Variants in POLE observed in about 807,000 individuals in gnomAD.
POLE encodes DNA polymerase epsilon, catalytic subunit.
In POLE, 188 loss-of-function variants were observed where a neutral mutation model predicts 279.2. The ratio of observed to expected loss-of-function variants is 0.67; its 90% CI spans 0.60 to 0.76. The LOEUF (loss-of-function observed/expected upper bound fraction) is 0.76, where lower values mean the gene tolerates loss of function less well. Among genes scored for constraint, POLE ranks in the 30% least tolerant of loss-of-function variants. POLE has a pLI of 0.00. For synonymous variants in POLE, 1,214 were observed against 1,172.5 expected (o/e 1.04, Z -0.72); for missense variants, 2,703 against 3,016.7 (o/e 0.90, Z 2.44).
rs563990655 is a variant in POLE, at chr12:132,649,398, C to T, written c.3913G>A (p.Gly1305Arg). The T allele has an allele frequency of 2.2e-4, 354 of 1,613,270 alleles. 5 individuals are homozygous for T. The South Asian group carries it at 3.4e-3, about 15-fold the overall frequency. Residue 1305 changes from glycine to arginine, a missense_variant, in exon 31 of 49, where the codon GGG (glycine) becomes AGG (arginine). Physicochemically the swap from Gly to Arg is moderately radical, Grantham distance 125. Coordinates refer to ENST00000320574, the MANE Select transcript of POLE (RefSeq NM_006231.4). ...GTGGCAGGACCATCCCGGATGGCCC[C>T]GGGCCTGAGCACACCCTCTGCCGAC... ...LESAEGVLRP[G>R]AIRDGPATGL...
At chr12:132,626,461 C>G (rs1225275030) in intron 45 of POLE, 144 bp from the exon 46 acceptor site, 1 of 692,798 alleles carries the variant, frequency 1.4e-6, no homozygotes, top group East Asian at 2.7e-5. Flanking sequence ...CCTCAGCTGA[C>G]TTCTCTACAT....
At chr12:132,649,267 A>G (rs773362058) in intron 31 of POLE, 39 bp downstream of exon 31, 1 of 1,594,486 alleles carries the variant, frequency 6.3e-7, no homozygotes, top group African/African-American at 1.3e-5. Context: ...CTGGGCCATC[A>G]GCAGAGCCAC....
At position 132,649,052 on chromosome 12, in the gene POLE, G is replaced by A. The variant is rs764030317; in HGVS notation, c.4026C>T (p.Ala1342=). The change falls in exon 32 of 49, where the codon GCC becomes GCT. Residue 1342 remains alanine, a synonymous_variant. Coordinates refer to ENST00000320574, the MANE Select transcript of POLE (RefSeq NM_006231.4). ...QIVQISETSQ[A]GLFRLWALVG... ...CGAGCGCCCACAGCCTGAACAGGCCGGCCTGGCTGGTCTCGCTGATCTGAA... is the reference window on the plus strand; with the variant it reads ...CGAGCGCCCACAGCCTGAACAGGCCAGCCTGGCTGGTCTCGCTGATCTGAA... 20 of 1,612,536 alleles carry A rather than the reference G, an allele frequency of 1.2e-5. No homozygotes were observed. The highest frequency in any genetic ancestry group is 4.4e-5 in the South Asian group (4 of 91,028).
chr12:132,632,821 G>A, intron 43 of POLE, 26 bp from the exon 44 acceptor site: 1 of 1,572,130 alleles, frequency 6.4e-7, no homozygotes, highest in Non-Finnish European at 8.6e-7. Context: ...CACACCACAG[G>A]CCCTGAGTCG....
chr12:132,644,109 C>T, intron 32 of POLE, 132 bp from the exon 33 acceptor site: 1 of 739,786 alleles, frequency 1.4e-6, no homozygotes. Context: ...CACCACGCCA[C>T]AGTCCACCTC....
In POLE at chr12:132,642,868, G is replaced by C. The variant is rs774425403; in HGVS notation, c.4680C>G (p.Asp1560Glu). Reference sequence around the variant, plus strand: ...GGATGGCTCTGCAGATGGTCTTCAGGTCAGTTTCTGCCCGAACTTCGAAGG... The same window carrying C: ...GGATGGCTCTGCAGATGGTCTTCAGCTCAGTTTCTGCCCGAACTTCGAAGG... The part of the protein sequence containing the change: ...KHTFEVRAET[D>E]LKTICRAIQR... The change falls in exon 36 of 49, where the codon GAC (aspartate) becomes GAG (glutamate). Residue 1560 changes from aspartate to glutamate, a missense_variant. Asp to Glu is a conservative substitution (Grantham distance 45). Transcript: ENST00000320574. The C allele has an allele frequency of 3.2e-5, 51 of 1,613,892 alleles. No individual in the cohort carries two copies. Among genetic ancestry groups the C allele is most frequent in the Admixed American group, 1.2e-4 (7 of 59,970 alleles).
intron 21 of POLE, 53 bp downstream of exon 21, chr12:132,665,249 C>T (rs1013926580): frequency 5.1e-6 from 8 of 1,576,838 alleles, no homozygotes; most frequent in African/African-American, 1.3e-5. Flanking sequence ...CTGCCCTAAA[C>T]GTGGACTCAT....
chr12:132,658,902 A>AAAAAG (rs2042613168), intron 26 of POLE, among the ~76,000 whole-genome samples: 1 of 150,930 alleles, frequency 6.6e-6, no homozygotes, highest in South Asian at 2.1e-4. Context: ...AAAAAAAAAA[A>AAAAAG]AAAAAAGAGC....
At chr12:132,632,981 G>C in intron 43 of POLE, 186 bp from the exon 44 acceptor site, 74 of 599,172 alleles carry the variant, frequency 1.2e-4, no homozygotes, top group Non-Finnish European at 2.0e-4. Context: ...GAAATGAGAA[G>C]GAACACTCGC....
At position 132,634,077 on chromosome 12, in the gene POLE, G is replaced by A. The variant is rs537166855; in HGVS notation, c.6004+109C>T. ...CCCAACTGCTGGGCAGGCTCCGCCC[G>A]ATCTGATTTTCCCTGTCTCCCTTCT... is the stretch of plus-strand genomic sequence containing the variant. On this transcript the variant is annotated intron_variant, in intron 43 of 48. Coordinates refer to ENST00000320574, the MANE Select transcript of POLE (RefSeq NM_006231.4). This position sits in a 1 kb window ranked among gnomAD's most constrained non-coding sequence, Gnocchi z 4.0. The A allele has an allele frequency of 1.5e-5, 15 of 1,031,488 alleles. No individual in the cohort carries two copies. The highest frequency in any genetic ancestry group is 8.0e-5 in the African/African-American group (5 of 62,242). 63.9% of individuals were successfully genotyped at this position (1,031,488 alleles called of 1,614,324 possible). A position where few individuals can be genotyped will look rare whatever the true frequency, so the allele number is the denominator to read the frequency against.
In POLE at chr12:132,642,813, C is replaced by T. The variant is rs2138538300; in HGVS notation, c.4728+7G>A. On this transcript the variant is annotated splice_region_variant and intron_variant, in intron 36 of 48. Transcript: ENST00000320574. ...GGCTCACACAGCAAGACCCCAACCACTCTCACCTTGTAGGCGAGCAGGAAT... is the reference window on the plus strand; with the variant it reads ...GGCTCACACAGCAAGACCCCAACCATTCTCACCTTGTAGGCGAGCAGGAAT... The T allele has an allele frequency of 6.2e-7, 1 of 1,613,980 alleles. No homozygotes were observed. Among genetic ancestry groups the T allele is most frequent in the Non-Finnish European group, 8.5e-7 (1 of 1,179,950 alleles).
In POLE at chr12:132,664,064, A is replaced by G. The variant is rs2135956761; in HGVS notation, c.2646T>C (p.Asn882=). The G allele has an allele frequency of 1.2e-6, 2 of 1,614,192 alleles. No homozygotes were observed. Among genetic ancestry groups the G allele is most frequent in the East Asian group, 2.2e-5 (1 of 44,882 alleles). Residue 882 remains asparagine (N), a synonymous_variant, in exon 23 of 49, where the codon AAT becomes AAC. Coordinates refer to ENST00000320574, the MANE Select transcript of POLE (RefSeq NM_006231.4). The surrounding 1 kb of genome is among the most constrained non-coding windows in gnomAD (Gnocchi z 5.3). ...FPENFVFKTT[N]VKKPKVTISY... is the part of the protein sequence containing the mutation. ...AGATGGTCACTTTGGGCTTCTTCACATTGGTCGTCTTGAAGACAAAATTTT... is the reference window on the plus strand; with the variant it reads ...AGATGGTCACTTTGGGCTTCTTCACGTTGGTCGTCTTGAAGACAAAATTTT...
chr12:132,669,065 C>T, intron 16 of POLE, 126 bp from the exon 17 acceptor site: 1 of 823,148 alleles, frequency 1.2e-6, no homozygotes, highest in Non-Finnish European at 1.8e-6. Context: ...CAAAAACTAG[C>T]CAGAAGAAAA....
chr12:132,653,789 T>C (rs184243247), intron 29 of POLE, among the ~76,000 whole-genome samples: 1 of 152,370 alleles, frequency 6.6e-6, no homozygotes, highest in Admixed American at 6.5e-5. Flanking sequence ...GTATGAGGTC[T>C]GCTGTTAGGT....
chr12:132,635,936 CAT>C lies in POLE; in HGVS notation c.5765_5766del (p.Tyr1922TrpfsTer27). 1 of 1,613,848 alleles carries C rather than the reference CAT, an allele frequency of 6.2e-7. No homozygotes were observed. The highest frequency in any genetic ancestry group is 8.5e-7 in the Non-Finnish European group (1 of 1,179,870). On this transcript the variant is annotated frameshift_variant, in exon 42 of 49. Transcript: ENST00000320574. LOFTEE classifies it high-confidence loss of function. The part of the protein sequence containing the change: ...EFLLWMDPSN[Y>X]GGIKGKVSSR... Reference sequence around the variant, plus strand: ...GATGAAACTTTTCCTTTGATTCCGCCATAGTTAGATGGATCCATCCAGAGAAG... The same window carrying C: ...GATGAAACTTTTCCTTTGATTCCGCCAGTTAGATGGATCCATCCAGAGAAG...
At position 132,636,028 on chromosome 12, in the gene POLE, C is replaced by A. The variant is rs2138487500; in HGVS notation, c.5679-4G>T. ...GAAGGTCTCCTTTGAATGGATGCTG[C>A]AGAGGAAGCATTGAAGACGCTGCTT... On this transcript the variant is annotated splice_region_variant and splice_polypyrimidine_tract_variant and intron_variant, in intron 41 of 48. Coordinates refer to ENST00000320574, the MANE Select transcript of POLE (RefSeq NM_006231.4). The A allele has an allele frequency of 1.2e-6, 2 of 1,609,844 alleles. No individual in the cohort carries two copies. The highest frequency in any genetic ancestry group is 1.7e-6 in the Non-Finnish European group (2 of 1,178,432).
intron 41 of POLE, among the ~76,000 whole-genome samples, chr12:132,637,365 T>C (rs548821104): frequency 2.3e-4 from 35 of 152,330 alleles, no homozygotes; most frequent in Admixed American, 9.1e-4. Context: ...CTCCCCTCTG[T>C]GCTCAGAAAG....
chr12:132,658,228 A>G (rs1476060150), intron 26 of POLE: 6 of 425,324 alleles, frequency 1.4e-5, no homozygotes, highest in Non-Finnish European at 2.2e-5. Flanking sequence ...ATGGGCATGC[A>G]TATACATAAA....
intron 25 of POLE, 79 bp from the exon 26 acceptor site, chr12:132,659,588 GC>G: frequency 8.2e-7 from 1 of 1,219,628 alleles, no homozygotes; most frequent in Non-Finnish European, 1.2e-6. Context: ...GCTCCTCTAG[GC>G]CATGCCCTTC....
Sources: allele counts gnomAD v4.1 joint callset (sites outside exome capture counted in the v4.1 genomes callset), GRCh38; gene constraint gnomAD v4.1.1; non-coding constraint Gnocchi (gnomAD v3.1); transcripts MANE v1.5; gene names NCBI Gene and HGNC (gene_info 2026-07-23, HGNC 2026-07-21).